The following CFAP57 variants were observed in gnomAD, a reference collection of about 807,000 sequenced individuals.
CFAP57 encodes cilia and flagella associated protein 57, also known as cilia- and flagella-associated protein 57.
CFAP57 carries 116 observed loss-of-function variants against 146.8 expected under a neutral mutation model. The observed-to-expected ratio is 0.79, with a 90% CI of 0.68 to 0.92. CFAP57 has a LOEUF of 0.92. Among genes scored for constraint, CFAP57 ranks in the 40% least tolerant of loss-of-function variants. CFAP57 has a pLI of 0.00. For missense variants in CFAP57, 1,377 were observed against 1,527.2 expected, an observed-to-expected ratio of 0.90 and a Z score of 1.64; for synonymous variants, 518 against 552.8, an observed-to-expected ratio of 0.94 and a Z score of 0.88.
At chr1:43,188,479 G>T (rs1462950872) in intron 6 of CFAP57, among the ~76,000 whole-genome samples, 5 of 152,142 alleles carry the variant, frequency 3.3e-5, no homozygotes, top group Non-Finnish European at 5.9e-5. Flanking sequence ...ATCTTAGTGG[G>T]TAAGAAGTGG....
At position 43,209,941 on chromosome 1, in the gene CFAP57, A is replaced by C. The variant is rs767152290; in HGVS notation, c.1929+25A>C. On this transcript the variant is annotated intron_variant, in intron 11 of 22. Transcript: ENST00000372492. Reference sequence around the variant, plus strand: ...GGTGAGCAGGGCCCTCTCCCCAGGAACCCAGTCCCACACCTGCCTGCTACG... The same window carrying C: ...GGTGAGCAGGGCCCTCTCCCCAGGACCCCAGTCCCACACCTGCCTGCTACG... The C allele has an allele frequency of 2.5e-6, 4 of 1,614,072 alleles. No individual in the cohort carries two copies. In the South Asian group the frequency reaches 3.3e-5, roughly 13 times the overall value.
At position 43,227,019 on chromosome 1, in the gene CFAP57, G is replaced by A; in HGVS notation, c.2902G>A (p.Glu968Lys). The change falls in exon 18 of 23, where the codon GAA becomes AAA. Residue 968 changes from glutamate (E) to lysine (K), a missense_variant. By Grantham distance (56) the Glu-to-Lys change is moderately conservative (BLOSUM62 1). Transcript: ENST00000372492. ...RIYDLKKKNQ[E>K]LGKFKFVLDY... ...TTATGATCTGAAAAAGAAAAATCAA[G>A]AACTAGGGAAATTCAAGTTTGTGCT... 2 of 1,529,944 alleles carry A rather than the reference G, an allele frequency of 1.3e-6. No individual in the cohort carries two copies. The highest frequency in any genetic ancestry group is 2.5e-5 in the East Asian group (1 of 40,500). 94.8% of individuals were successfully genotyped at this position (1,529,944 alleles called of 1,614,324 possible).
intron 9 of CFAP57, 191 bp from the exon 10 acceptor site, chr1:43,206,529 A>T: frequency 1.7e-6 from 1 of 601,376 alleles, no homozygotes; most frequent in Non-Finnish European, 3.0e-6. Context: ...ATCTTCAGTA[A>T]TTTGCAAGCG....
In CFAP57 at chr1:43,221,370, A is replaced by G; in HGVS notation, c.2248-2A>G. On this transcript the variant is annotated splice_acceptor_variant, in intron 13 of 22. Transcript: ENST00000372492. LOFTEE classifies it high-confidence loss of function. ...AAATGAGGAAATGTGACTCTGTTTT[A>G]GGTCTTAAGAACAGAAAAAGAGAAG... 2.6e-6 allele frequency: 4 copies of G among 1,540,190 alleles called. No individual in the cohort carries two copies. The highest frequency in any genetic ancestry group is 3.5e-6 in the Non-Finnish European group (4 of 1,141,104).
At chr1:43,208,655 G>C (rs1308816959) in intron 10 of CFAP57, among the ~76,000 whole-genome samples, 1 of 152,162 alleles carries the variant, frequency 6.6e-6, no homozygotes, top group African/African-American at 2.4e-5. Flanking sequence ...GGGATGGGGG[G>C]AACAGGGAGG....
chr1:43,249,812 A>T (rs547932915), intron 22 of CFAP57, among the ~76,000 whole-genome samples: 33 of 151,966 alleles, frequency 2.2e-4, no homozygotes, highest in African/African-American at 8.0e-4. Context: ...AGTTAAATAC[A>T]TAGATATTTT....
chr1:43,180,096 C>T (rs960385163), intron 2 of CFAP57, among the ~76,000 whole-genome samples: 1 of 151,680 alleles, frequency 6.6e-6, no homozygotes, highest in African/African-American at 2.4e-5. Flanking sequence ...ATCCCTGCTA[C>T]TCGGGAGGCT....
At chr1:43,218,705 T>C (rs4660721) in intron 12 of CFAP57, among the ~76,000 whole-genome samples, 79,812 of 151,852 alleles carry the variant, frequency 0.53, 24,833 homozygotes, top group East Asian at 1. Flanking sequence ...TAAAAGTGAG[T>C]CTAAGAAGAC....
intron 9 of CFAP57, 137 bp from the exon 10 acceptor site, chr1:43,206,582 TG>T (rs1644365285): frequency 1.3e-6 from 1 of 759,400 alleles, no homozygotes; most frequent in African/African-American, 1.7e-5. Context: ...AGCTATGTTT[TG>T]TGCTAACAGA....
chr1:43,217,057 A>C (rs1397262867), intron 12 of CFAP57, among the ~76,000 whole-genome samples: 1 of 152,240 alleles, frequency 6.6e-6, no homozygotes, highest in African/African-American at 2.4e-5. Flanking sequence ...AGCCTTGCTC[A>C]GATCCTTCCA....
intron 9 of CFAP57, among the ~76,000 whole-genome samples, chr1:43,202,640 G>A (rs546161056): frequency 6.6e-5 from 10 of 151,864 alleles, no homozygotes; most frequent in Admixed American, 2.0e-4. Context: ...AAAATCAGCC[G>A]GGTGTGGTGG....
At chr1:43,251,178 G>GTT (rs1646315667) in intron 22 of CFAP57, among the ~76,000 whole-genome samples, 1 of 152,240 alleles carries the variant, frequency 6.6e-6, no homozygotes, top group African/African-American at 2.4e-5. Context: ...AACACCAGGA[G>GTT]TTTGGTCAAG....
intron 7 of CFAP57, among the ~76,000 whole-genome samples, chr1:43,197,936 A>G (rs182392719): frequency 6.6e-5 from 10 of 152,200 alleles, no homozygotes; most frequent in African/African-American, 2.4e-4. Flanking sequence ...GATGAAGACA[A>G]CACCTCAGTC....
intron 3 of CFAP57, 90 bp downstream of exon 3, chr1:43,181,940 C>T: frequency 6.4e-6 from 9 of 1,415,606 alleles, no homozygotes; most frequent in Non-Finnish European, 8.9e-6. Flanking sequence ...GTTCTAATTT[C>T]CTCCATGCAT....
At chr1:43,172,620 G>C in intron 1 of CFAP57, 115 bp from the exon 2 acceptor site, 1 of 789,554 alleles carries the variant, frequency 1.3e-6, no homozygotes, top group Admixed American at 2.3e-5. Context: ...AAGGGGAGGA[G>C]AAAGGGGAGA....
At chr1:43,193,398 G>A (rs1199355855) in intron 6 of CFAP57, among the ~76,000 whole-genome samples, 3 of 151,984 alleles carry the variant, frequency 2.0e-5, no homozygotes, top group African/African-American at 7.2e-5. Flanking sequence ...CCATTTTTGT[G>A]TGTGTGTATC....
chr1:43,185,010 G>C lies in CFAP57; in HGVS notation c.762-139G>C, dbSNP rs1293453508. On this transcript the variant is annotated intron_variant, in intron 4 of 22. Transcript: ENST00000372492. ...TTTGTGTACGGTTCCCAAGCCAAAG[G>C]GTAGTATTTGACTGTGGAAAAGGGG... 10 of 907,818 alleles carry C rather than the reference G, an allele frequency of 1.1e-5. No individual in the cohort carries two copies. In the East Asian group the frequency reaches 2.0e-4, roughly 18 times the overall value. The allele number at this position is 907,818 out of a possible 1,614,324, so 56.2% of individuals were successfully genotyped here. A position where few individuals can be genotyped will look rare whatever the true frequency, so the allele number is the denominator to read the frequency against.
chr1:43,225,226 T>C (rs1193130633), intron 17 of CFAP57, among the ~76,000 whole-genome samples: 4 of 152,304 alleles, frequency 2.6e-5, no homozygotes, highest in Non-Finnish European at 4.4e-5. Flanking sequence ...CCCACCACCA[T>C]GGACTGGCAG....
intron 2 of CFAP57, chr1:43,177,348 C>T (rs2124228243): frequency 2.6e-6 from 1 of 388,084 alleles, no homozygotes; most frequent in African/African-American, 2.1e-5. Context: ...GGTTTTGGGC[C>T]TGAGCATGGA....
Sources: gnomAD v4.1 joint callset for allele counts (sites outside exome capture counted in the v4.1 genomes callset) on GRCh38, gnomAD v4.1.1 for gene constraint, MANE v1.5 for transcripts, NCBI Gene and HGNC (gene_info 2026-07-23, HGNC 2026-07-21) for gene names.